The following TTC7B variants were observed in gnomAD, a reference collection of about 807,000 sequenced individuals.
The protein encoded by TTC7B is tetratricopeptide repeat protein 7B.
TTC7B carries 28 observed loss-of-function variants against 106.8 expected under a neutral mutation model. That is an observed-to-expected ratio of 0.26 (90% confidence interval 0.19 to 0.36). The LOEUF is 0.36. Among genes scored for constraint, TTC7B ranks in the 10% least tolerant of loss-of-function variants. TTC7B has a pLI of 1.00. For synonymous variants in TTC7B, 405 were observed against 430.6 expected (o/e 0.94, Z 0.74); for missense variants, 862 against 1,076.4 (o/e 0.80, Z 2.79).
intron 15 of TTC7B, among the ~76,000 whole-genome samples, chr14:90,630,993 C>T (rs528943086): frequency 6.6e-6 from 1 of 152,274 alleles, no homozygotes; most frequent in East Asian, 1.9e-4. Context: ...TGCCACCACG[C>T]CCAGCTAATT....
rs1595252178 is a variant in TTC7B at position 90,657,031 on chromosome 14, C to T, written c.1341+143G>A. On this transcript the variant is annotated intron_variant, in intron 11 of 19. Coordinates refer to ENST00000328459, the MANE Select transcript of TTC7B (RefSeq NM_001010854.2). This position sits in a 1 kb window ranked among gnomAD's most constrained non-coding sequence, Gnocchi z 4.2. ...CCTGAGGAGGCCAGGGGCCCAGGCCCAGGGTCCGTGGCTCTACACAGTCTT... is the reference window on the plus strand; with the variant it reads ...CCTGAGGAGGCCAGGGGCCCAGGCCTAGGGTCCGTGGCTCTACACAGTCTT... 5 of 697,214 alleles carry T rather than the reference C, an allele frequency of 7.2e-6. No homozygotes were observed. The East Asian group carries it at 1.4e-4, about 19-fold the overall frequency. 43.2% of individuals were successfully genotyped at this position (697,214 alleles called of 1,614,324 possible).
At chr14:90,690,936 A>G (rs1340775215) in intron 6 of TTC7B, among the ~76,000 whole-genome samples, 1 of 152,178 alleles carries the variant, frequency 6.6e-6, no homozygotes, top group Non-Finnish European at 1.5e-5. Context: ...AGTAAGACCC[A>G]TTGGCATTAA....
chr14:90,655,051 C>T lies in TTC7B; in HGVS notation c.1401G>A (p.Glu467=), dbSNP rs140227111. 3.7e-6 allele frequency: 6 copies of T among 1,614,134 alleles called. No individual in the cohort carries two copies. In the African/African-American group the frequency reaches 8.0e-5, roughly 22 times the overall value. The part of the protein sequence containing the change: ...TVVDVGEKTS[E]FKAKGYLALG... ...GAGCTAAGTAGCCTTTGGCCTTGAA[C>T]TCTGACGTTTTCTCTCCCACATCAA... The change falls in exon 12 of 20, where the codon GAG becomes GAA. Residue 467 remains glutamate (E), a synonymous_variant. Transcript: ENST00000328459.
intron 7 of TTC7B, 115 bp from the exon 8 acceptor site, chr14:90,680,650 G>C: frequency 1.5e-6 from 1 of 689,454 alleles, no homozygotes; most frequent in Non-Finnish European, 2.5e-6. Context: ...GAAAAATACT[G>C]TATAATTTGG....
At chr14:90,784,406 A>C (rs1891314217) in intron 2 of TTC7B, among the ~76,000 whole-genome samples, 1 of 152,028 alleles carries the variant, frequency 6.6e-6, no homozygotes, top group Non-Finnish European at 1.5e-5. Context: ...AAATACAAAA[A>C]ATTAGCCGGG....
At position 90,742,927 on chromosome 14, in the gene TTC7B, AG is replaced by A. The variant is rs911331382; in HGVS notation, c.576+1864del. ...GTGACAGGGCTGGACAACAGTGGAGAGTAAGCAGCAAGATAGGGCCCTAAGT... is the reference window on the plus strand; with the variant it reads ...GTGACAGGGCTGGACAACAGTGGAGATAAGCAGCAAGATAGGGCCCTAAGT... On this transcript the variant is annotated intron_variant, in intron 4 of 19. Coordinates refer to ENST00000328459, the MANE Select transcript of TTC7B (RefSeq NM_001010854.2). This position sits in a 1 kb window ranked among gnomAD's most constrained non-coding sequence, Gnocchi z 4.1. Among the ~76,000 whole-genome samples, 18 of 152,294 alleles carry A rather than the reference AG, an allele frequency of 1.2e-4. No homozygotes were observed. Among genetic ancestry groups the A allele is most frequent in the African/African-American group, 4.3e-4 (18 of 41,566 alleles).
At chr14:90,655,172 T>C in intron 11 of TTC7B, 62 bp from the exon 12 acceptor site, 1 of 1,287,402 alleles carries the variant, frequency 7.8e-7, no homozygotes, top group Non-Finnish European at 1.1e-6. Flanking sequence ...TGAGTTCCCA[T>C]AAGCGTCTGC....
At chr14:90,710,379 A>G (rs1356976613) in intron 5 of TTC7B, among the ~76,000 whole-genome samples, 1 of 152,262 alleles carries the variant, frequency 6.6e-6, no homozygotes, top group Non-Finnish European at 1.5e-5. Flanking sequence ...TTGAAATGGA[A>G]TCTACTCCTG....
chr14:90,583,103 T>A (rs189271059), intron 18 of TTC7B, among the ~76,000 whole-genome samples: 1 of 152,166 alleles, frequency 6.6e-6, no homozygotes, highest in East Asian at 1.9e-4. Context: ...CCACCCAACC[T>A]CCCCAGTAGC....
At chr14:90,794,207 A>ACC (rs1566891563) in intron 1 of TTC7B, among the ~76,000 whole-genome samples, 1 of 130,618 alleles carries the variant, frequency 7.7e-6, no homozygotes, top group Non-Finnish European at 1.5e-5. Flanking sequence ...CTGGCTGGGT[A>ACC]TTTCTTTTTT....
At chr14:90,580,220 T>C (rs1355736567) in intron 18 of TTC7B, among the ~76,000 whole-genome samples, 2 of 152,246 alleles carry the variant, frequency 1.3e-5, no homozygotes, top group Non-Finnish European at 2.9e-5. Flanking sequence ...CAGAGCTCAC[T>C]GAATCGCTGA....
At chr14:90,615,563 G>T (rs200498072) in intron 16 of TTC7B, among the ~76,000 whole-genome samples, 1 of 152,314 alleles carries the variant, frequency 6.6e-6, no homozygotes, top group East Asian at 1.9e-4. Flanking sequence ...AACACTGTAT[G>T]CCCTGATCCC....
chr14:90,653,117 C>A, intron 12 of TTC7B, among the ~76,000 whole-genome samples: 1 of 152,192 alleles, frequency 6.6e-6, no homozygotes, highest in East Asian at 1.9e-4. Flanking sequence ...TGGAACAATG[C>A]CAAGGGGACA....
chr14:90,653,325 A>G (rs1389541023), intron 12 of TTC7B, among the ~76,000 whole-genome samples: 4 of 152,196 alleles, frequency 2.6e-5, no homozygotes, highest in Non-Finnish European at 5.9e-5. Flanking sequence ...TTGCCTTCAG[A>G]GTTCCTTCTG....
At chr14:90,740,206 A>G (rs566646634) in intron 4 of TTC7B, among the ~76,000 whole-genome samples, 3 of 152,268 alleles carry the variant, frequency 2.0e-5, no homozygotes, top group Admixed American at 6.5e-5. Context: ...GTCTGGAACT[A>G]GAGGGCAGAG....
intron 7 of TTC7B, among the ~76,000 whole-genome samples, chr14:90,684,969 C>G (rs1262997918): frequency 6.6e-6 from 1 of 152,208 alleles, no homozygotes; most frequent in Non-Finnish European, 1.5e-5. Flanking sequence ...AAGCCTATGA[C>G]AGGTGATCCC....
At chr14:90,739,330 G>C (rs1889668611) in intron 4 of TTC7B, among the ~76,000 whole-genome samples, 1 of 152,208 alleles carries the variant, frequency 6.6e-6, no homozygotes, top group South Asian at 2.1e-4. Context: ...TTTCTTTATT[G>C]TCTCACATTT....
chr14:90,617,108 T>C (rs1263534801), intron 16 of TTC7B, among the ~76,000 whole-genome samples: 3 of 152,226 alleles, frequency 2.0e-5, no homozygotes, highest in Admixed American at 6.5e-5. Context: ...CCCCGGGTTA[T>C]CTGACTCTAA....
At chr14:90,710,071 A>AAG (rs1485088559) in intron 5 of TTC7B, among the ~76,000 whole-genome samples, 1 of 151,274 alleles carries the variant, frequency 6.6e-6, no homozygotes, top group Non-Finnish European at 1.5e-5. Flanking sequence ...AAAAAAAAAA[A>AAG]GAAAACCTCT....
Sources: gnomAD v4.1 joint callset for allele counts (sites outside exome capture counted in the v4.1 genomes callset) on GRCh38, gnomAD v4.1.1 for gene constraint, Gnocchi (gnomAD v3.1) non-coding constraint, MANE v1.5 for transcripts, NCBI Gene and HGNC (gene_info 2026-07-23, HGNC 2026-07-21) for gene names.